The following AIG1 variants were observed in gnomAD, a reference collection of about 807,000 sequenced individuals.
AIG1 encodes the protein androgen induced 1.
AIG1 carries 23 observed loss-of-function variants against 31.4 expected under a neutral mutation model. The observed-to-expected ratio is 0.73, with a 90% CI of 0.53 to 1.04. AIG1 has a LOEUF of 1.04. Ranked by LOEUF, AIG1 falls within the 50% of genes least tolerant of loss-of-function variation. The probability of loss-of-function intolerance (pLI) is 0.00; values close to 1 mark genes in which losing one functional copy is unlikely to be tolerated. For missense variants in AIG1, 274 were observed against 295.0 expected, an observed-to-expected ratio of 0.93 and a Z score of 0.52; for synonymous variants, 100 against 110.5, an observed-to-expected ratio of 0.90 and a Z score of 0.60.
intron 3 of AIG1, among the ~76,000 whole-genome samples, chr6:143,275,926 G>C (rs1374064693): frequency 6.6e-6 from 1 of 152,192 alleles, no homozygotes; most frequent in African/African-American, 2.4e-5. Context: ...GGTACAACAT[G>C]GGTCATCTCT....
chr6:143,225,934 T>C (rs1335627248), intron 3 of AIG1, among the ~76,000 whole-genome samples: 1 of 152,230 alleles, frequency 6.6e-6, no homozygotes, highest in Non-Finnish European at 1.5e-5. Flanking sequence ...CAATAACACA[T>C]ATACTTTTTT....
intron 3 of AIG1, among the ~76,000 whole-genome samples, chr6:143,235,598 C>A (rs898384405): frequency 8.9e-5 from 13 of 146,596 alleles, no homozygotes; most frequent in African/African-American, 2.6e-4. Context: ...CCATCTCACT[C>A]TCTTCTCCCC....
intron 1 of AIG1, among the ~76,000 whole-genome samples, chr6:143,113,117 G>A (rs1042553749): frequency 6.6e-6 from 1 of 151,644 alleles, no homozygotes; most frequent in Non-Finnish European, 1.5e-5. Context: ...GAGCCTAGGA[G>A]GTTGAGGCTG....
rs941622531 is a variant in AIG1 at position 143,292,602 on chromosome 6, T to C, written c.515+8377T>C. Among the ~76,000 whole-genome samples, 1 of 152,256 alleles carries C rather than the reference T, an allele frequency of 6.6e-6. No individual in the cohort carries two copies. The highest frequency in any genetic ancestry group is 6.5e-5 in the Admixed American group (1 of 15,290). On this transcript the variant is annotated intron_variant, in intron 4 of 5. Coordinates refer to ENST00000357847, the MANE Select transcript of AIG1 (RefSeq NM_016108.4). This position sits in a 1 kb window ranked among gnomAD's most constrained non-coding sequence, Gnocchi z 4.9. ...TAGCTCAGTGACACCTATGTTATAC[T>C]TCTAACCTGTAGAATTCTCCGATGA...
chr6:143,118,534 T>C (rs939780208), intron 1 of AIG1, among the ~76,000 whole-genome samples: 2 of 151,328 alleles, frequency 1.3e-5, no homozygotes, highest in African/African-American at 4.9e-5. Context: ...TAAAAAAAAA[T>C]ACCGAAAGAT....
intron 1 of AIG1, among the ~76,000 whole-genome samples, chr6:143,085,296 A>G (rs1339391013): frequency 1.3e-5 from 2 of 152,162 alleles, no homozygotes; most frequent in Non-Finnish European, 2.9e-5. Context: ...TCTGATGAGC[A>G]TTAGTCATAG....
rs1182389259 is a variant in AIG1 at position 143,279,800 on chromosome 6, A to C, written c.400-4310A>C. 1.3e-5 allele frequency among the ~76,000 whole-genome samples: 2 copies of C among 152,210 alleles called. No homozygotes were observed. The highest frequency in any genetic ancestry group is 4.8e-5 in the African/African-American group (2 of 41,458). The stretch of plus-strand genomic sequence containing the variant: ...ATCTTCCAAATGATAGCTCCTCATT[A>C]AAACTAGCTAAAATGGATGATAGAG... On this transcript the variant is annotated intron_variant, in intron 3 of 5. Coordinates refer to ENST00000357847, the MANE Select transcript of AIG1 (RefSeq NM_016108.4). The surrounding 1 kb of genome is among the most constrained non-coding windows in gnomAD (Gnocchi z 5.4).
At chr6:143,234,486 G>C (rs962751438) in intron 3 of AIG1, among the ~76,000 whole-genome samples, 1 of 152,236 alleles carries the variant, frequency 6.6e-6, no homozygotes, top group African/African-American at 2.4e-5. Context: ...GGGAGCATCA[G>C]ATGTCTTTCA....
At chr6:143,061,306 G>A (rs72986693) in intron 1 of AIG1, 20,710 of 641,646 alleles carry the variant, frequency 0.032, 524 homozygotes, top group African/African-American at 0.068. Context: ...CTGGCAACTG[G>A]GGGACAAATG....
At chr6:143,089,596 G>T (rs1036387830) in intron 1 of AIG1, among the ~76,000 whole-genome samples, 8 of 152,206 alleles carry the variant, frequency 5.3e-5, no homozygotes, top group Non-Finnish European at 1.2e-4. Flanking sequence ...AGAGGAAAAA[G>T]ATTTATTTGG....
intron 1 of AIG1, among the ~76,000 whole-genome samples, chr6:143,097,387 A>G (rs1438715922): frequency 6.6e-6 from 1 of 151,784 alleles, no homozygotes; most frequent in African/African-American, 2.4e-5. Flanking sequence ...CCCCCAGCAT[A>G]CCCTCATCAT....
At chr6:143,174,352 T>C (rs1480622211) in intron 3 of AIG1, among the ~76,000 whole-genome samples, 1 of 151,808 alleles carries the variant, frequency 6.6e-6, no homozygotes, top group African/African-American at 2.4e-5. Flanking sequence ...CCAGGCGTGG[T>C]GGCAGGCACC....
chr6:143,337,884 G>T, intron 5 of AIG1: 1 of 398,442 alleles, frequency 2.5e-6, no homozygotes, highest in South Asian at 1.3e-4. Context: ...TTCGCTTTGC[G>T]ATAGGTTTCT....
chr6:143,201,598 C>G (rs888936576), intron 3 of AIG1, among the ~76,000 whole-genome samples: 1 of 152,128 alleles, frequency 6.6e-6, no homozygotes, highest in African/African-American at 2.4e-5. Context: ...AGAAGGGACC[C>G]TACGAATAAT....
chr6:143,187,382 T>A (rs1377182846), intron 3 of AIG1: 14 of 1,533,340 alleles, frequency 9.1e-6, no homozygotes, highest in Non-Finnish European at 1.0e-5. Flanking sequence ...TTTGTTTAAT[T>A]TGCAGCTATA....
At chr6:143,194,541 A>T (rs1402255621) in intron 3 of AIG1, among the ~76,000 whole-genome samples, 3 of 152,206 alleles carry the variant, frequency 2.0e-5, no homozygotes, top group Non-Finnish European at 4.4e-5. Context: ...TTGTCAGGTG[A>T]TCATAACTTG....
intron 3 of AIG1, among the ~76,000 whole-genome samples, chr6:143,222,176 G>A (rs1228996235): frequency 6.6e-6 from 1 of 152,120 alleles, no homozygotes; most frequent in Non-Finnish European, 1.5e-5. Flanking sequence ...TGTAGTCTCA[G>A]CTCACGTAGT....
At chr6:143,087,513 A>C (rs1778904451) in intron 1 of AIG1, among the ~76,000 whole-genome samples, 1 of 152,210 alleles carries the variant, frequency 6.6e-6, no homozygotes, top group Non-Finnish European at 1.5e-5. Flanking sequence ...TCAGGAGTGC[A>C]GTGGACACCT....
At chr6:143,186,576 G>A (rs1460440769) in intron 3 of AIG1, 1 of 152,230 alleles carries the variant, frequency 6.6e-6, no homozygotes, top group Non-Finnish European at 1.5e-5. Context: ...TAAACAGACT[G>A]TTGTTAGTAA....
Sources: gnomAD v4.1 joint callset for allele counts (sites outside exome capture counted in the v4.1 genomes callset) on GRCh38, gnomAD v4.1.1 for gene constraint, Gnocchi (gnomAD v3.1) non-coding constraint, MANE v1.5 for transcripts, NCBI Gene and HGNC (gene_info 2026-07-23, HGNC 2026-07-21) for gene names.